The following CCDC171 variants were observed in gnomAD, a reference collection of about 807,000 sequenced individuals.
The protein encoded by CCDC171 is coiled-coil domain-containing protein 171.
Under a neutral mutation model 168.2 loss-of-function variants are expected in CCDC171, and 177 were observed. The ratio of observed to expected loss-of-function variants is 1.05; its 90% confidence interval spans 0.93 to 1.19. CCDC171 has a LOEUF of 1.19. Ranked by LOEUF, CCDC171 falls within the 50% of genes most tolerant of loss-of-function variation. The pLI is 0.00. For synonymous variants in CCDC171, 687 were observed against 540.8 expected, an observed-to-expected ratio of 1.27 and a Z score of -3.75; for missense variants, 1,991 against 1,539.0, an observed-to-expected ratio of 1.29 and a Z score of -4.91.
chr9:15,865,579 C>T (rs2061743522), intron 23 of CCDC171, among the ~76,000 whole-genome samples: 1 of 152,002 alleles, frequency 6.6e-6, no homozygotes, highest in Non-Finnish European at 1.5e-5. Context: ...TGATGATCCA[C>T]TTCCACTTAA....
intron 25 of CCDC171, among the ~76,000 whole-genome samples, chr9:15,928,594 C>G (rs1283186290): frequency 1.3e-5 from 2 of 151,654 alleles, no homozygotes; most frequent in Non-Finnish European, 1.5e-5. Flanking sequence ...TTCCTATTCT[C>G]AAAATTCACC....
chr9:15,578,431 TTATTATTATTA>T (rs2040846191), intron 3 of CCDC171, among the ~76,000 whole-genome samples: 1 of 146,092 alleles, frequency 6.8e-6, no homozygotes, highest in African/African-American at 2.5e-5. Flanking sequence ...ATTATTATTA[TTATTATTATTA>T]TTATTATTAT....
At chr9:15,737,844 T>C (rs1389649761) in intron 16 of CCDC171, among the ~76,000 whole-genome samples, 1 of 152,202 alleles carries the variant, frequency 6.6e-6, no homozygotes, top group African/African-American at 2.4e-5. Flanking sequence ...ATTCTATGTT[T>C]AACTTTTTGA....
intron 16 of CCDC171, among the ~76,000 whole-genome samples, chr9:15,740,473 C>CA: frequency 6.6e-6 from 1 of 151,838 alleles, no homozygotes; most frequent in South Asian, 2.1e-4. Flanking sequence ...CTTGCTCTGT[C>CA]ACCCAAGCTA....
At chr9:15,631,980 C>T (rs1353690207) in intron 7 of CCDC171, among the ~76,000 whole-genome samples, 2 of 152,134 alleles carry the variant, frequency 1.3e-5, no homozygotes, top group Non-Finnish European at 2.9e-5. Flanking sequence ...ACCCTTCATG[C>T]TAAAAACTCT....
chr9:16,079,966 A>AT, the CCDC171 span, among the ~76,000 whole-genome samples: 1 of 152,208 alleles, frequency 6.6e-6, no homozygotes, highest in African/African-American at 2.4e-5. Context: ...CAAAGTTATC[A>AT]TGTCACTGTG....
chr9:15,741,014 C>G (rs1268568374), intron 16 of CCDC171, among the ~76,000 whole-genome samples: 1 of 152,034 alleles, frequency 6.6e-6, no homozygotes, highest in African/African-American at 2.4e-5. Flanking sequence ...CAAATTGATT[C>G]CTAAATTATT....
intron 16 of CCDC171, among the ~76,000 whole-genome samples, chr9:15,743,273 C>G (rs1048130064): frequency 6.6e-6 from 1 of 150,402 alleles, no homozygotes; most frequent in African/African-American, 2.5e-5. Flanking sequence ...TCAATTGATT[C>G]TCTGACCTCA....
At chr9:15,637,956 A>G (rs1036797709) in intron 7 of CCDC171, among the ~76,000 whole-genome samples, 33 of 152,148 alleles carry the variant, frequency 2.2e-4, no homozygotes, top group African/African-American at 8.0e-4. Context: ...TTATAACAGC[A>G]TGATTTATAG....
chr9:15,734,494 C>T (rs765822980), intron 16 of CCDC171, among the ~76,000 whole-genome samples: 11 of 152,096 alleles, frequency 7.2e-5, no homozygotes, highest in South Asian at 2.1e-4. Context: ...GCCGAGATTG[C>T]GCCATTTCAC....
chr9:15,734,115 T>C (rs773363553), intron 16 of CCDC171, among the ~76,000 whole-genome samples: 52 of 152,296 alleles, frequency 3.4e-4, no homozygotes, highest in Middle Eastern at 3.4e-3. Flanking sequence ...TCATCACAAA[T>C]GCTAATGTTT....
chr9:15,904,596 A>T (rs905433637), intron 24 of CCDC171, among the ~76,000 whole-genome samples: 3 of 152,212 alleles, frequency 2.0e-5, no homozygotes, highest in African/African-American at 4.8e-5. Flanking sequence ...CATCGAGGCT[A>T]GGAAAAACTG....
At chr9:15,928,384 G>C (rs1826123944) in intron 25 of CCDC171, among the ~76,000 whole-genome samples, 1 of 151,706 alleles carries the variant, frequency 6.6e-6, no homozygotes, top group South Asian at 2.1e-4. Context: ...GGGATTGAAA[G>C]ATGTCTAGCA....
At chr9:16,064,046 G>C (rs1255990234), downstream of CCDC171, among the ~76,000 whole-genome samples, 3 of 152,156 alleles carry the variant, frequency 2.0e-5, no homozygotes, top group Non-Finnish European at 4.4e-5. Flanking sequence ...AACTGAATTT[G>C]CCTGCCCCAG....
chr9:15,639,077 G>T (rs2132481250), intron 7 of CCDC171, among the ~76,000 whole-genome samples: 1 of 152,044 alleles, frequency 6.6e-6, no homozygotes, highest in Non-Finnish European at 1.5e-5. Flanking sequence ...AAGGGTAAAA[G>T]GTAGCATCTT....
At chr9:15,976,012 G>A (rs1010386616), downstream of CCDC171, among the ~76,000 whole-genome samples, 5 of 152,138 alleles carry the variant, frequency 3.3e-5, no homozygotes, top group South Asian at 2.1e-4. Flanking sequence ...GATGGAAGCC[G>A]AAGTTGAAGT....
At chr9:15,953,438 A>G (rs1387693296) in intron 25 of CCDC171, among the ~76,000 whole-genome samples, 4 of 152,140 alleles carry the variant, frequency 2.6e-5, no homozygotes, top group Non-Finnish European at 5.9e-5. Context: ...CGAGATGATC[A>G]TGTGATTTTT....
chr9:15,662,844 G>T (rs1282823971), intron 8 of CCDC171, among the ~76,000 whole-genome samples: 2 of 151,792 alleles, frequency 1.3e-5, no homozygotes, highest in Admixed American at 1.3e-4. Context: ...AGCTGGGTGT[G>T]GTGGCAGGCA....
intron 24 of CCDC171, among the ~76,000 whole-genome samples, chr9:15,880,499 C>A (rs1256478477): frequency 6.6e-6 from 1 of 151,502 alleles, no homozygotes; most frequent in African/African-American, 2.4e-5. Context: ...CTCTGTTGCC[C>A]AGGCTGGAGT....
Sources: allele counts gnomAD v4.1 joint callset (sites outside exome capture counted in the v4.1 genomes callset), GRCh38; gene constraint gnomAD v4.1.1; transcripts MANE v1.5; gene names NCBI Gene and HGNC (gene_info 2026-07-23, HGNC 2026-07-21).